Variants in ATOSA observed in about 807,000 individuals in gnomAD.
ATOSA encodes atos homolog protein A.
chr15:52,613,352 C>T, the ATOSA span, among the ~76,000 whole-genome samples: 9 of 152,214 alleles, frequency 5.9e-5, no homozygotes, highest in African/African-American at 1.7e-4. Context: ...GGCAACAGAG[C>T]GAGACTCCGT....
the ATOSA span, among the ~76,000 whole-genome samples, chr15:52,700,523 C>T: frequency 6.6e-6 from 1 of 152,174 alleles, no homozygotes; most frequent in Non-Finnish European, 1.5e-5. Flanking sequence ...AGGTTCTCAA[C>T]AGGATCCAAG....
At chr15:52,706,970 G>A in the ATOSA span, among the ~76,000 whole-genome samples, 1 of 152,162 alleles carries the variant, frequency 6.6e-6, no homozygotes, top group Non-Finnish European at 1.5e-5. Context: ...TGATTGTGGT[G>A]ATGGCTATAC....
chr15:52,667,629 T>C, the ATOSA span, among the ~76,000 whole-genome samples: 2 of 152,192 alleles, frequency 1.3e-5, no homozygotes, highest in Non-Finnish European at 2.9e-5. Flanking sequence ...ATAAATACCA[T>C]TACCATGGCT....
At chr15:52,606,650 T>G in the ATOSA span, among the ~76,000 whole-genome samples, 2 of 152,130 alleles carry the variant, frequency 1.3e-5, no homozygotes, top group Non-Finnish European at 2.9e-5. Flanking sequence ...AGCCTCCCTA[T>G]TAGATAACAG....
chr15:52,703,666 T>C, the ATOSA span, among the ~76,000 whole-genome samples: 1 of 150,748 alleles, frequency 6.6e-6, no homozygotes, highest in African/African-American at 2.4e-5. Flanking sequence ...TTTAATAAAA[T>C]GTGGTACACA....
chr15:52,588,544 T>C, the ATOSA span, among the ~76,000 whole-genome samples: 1 of 152,218 alleles, frequency 6.6e-6, no homozygotes, highest in Non-Finnish European at 1.5e-5. Context: ...GTTCAAGCGA[T>C]TCTTCTGTCT....
the ATOSA span, among the ~76,000 whole-genome samples, chr15:52,643,912 CA>C: frequency 6.7e-6 from 1 of 148,348 alleles, no homozygotes; most frequent in African/African-American, 2.5e-5. Flanking sequence ...GATTCAGTCT[CA>C]AAACAAACAA....
chr15:52,587,796 A>G, the ATOSA span: 3 of 152,376 alleles, frequency 2.0e-5, no homozygotes, highest in Admixed American at 6.5e-5. Flanking sequence ...TGAAAGTTAA[A>G]TCAGTAACTT....
At chr15:52,586,925 T>C in the ATOSA span, 2 of 711,598 alleles carry the variant, frequency 2.8e-6, no homozygotes, top group East Asian at 6.9e-5. Context: ...CAAACTGTCA[T>C]ATGCTATTTT....
At chr15:52,708,937 A>G in the ATOSA span, among the ~76,000 whole-genome samples, 1 of 152,080 alleles carries the variant, frequency 6.6e-6, no homozygotes, top group Non-Finnish European at 1.5e-5. Context: ...CACAAACCCA[A>G]ATGCCTCCAG....
At chr15:52,609,625 C>T in the ATOSA span, 3 of 1,612,936 alleles carry the variant, frequency 1.9e-6, no homozygotes, top group East Asian at 4.5e-5. Flanking sequence ...CTCTGGACTA[C>T]CAAAAGTCAT....
the ATOSA span, among the ~76,000 whole-genome samples, chr15:52,659,764 T>C: frequency 1.3e-5 from 2 of 152,162 alleles, no homozygotes; most frequent in African/African-American, 2.4e-5. Flanking sequence ...ATAAAATTCA[T>C]TGCCCACTGA....
At chr15:52,649,645 C>T in the ATOSA span, 1 of 151,908 alleles carries the variant, frequency 6.6e-6, no homozygotes, top group Admixed American at 6.6e-5. Flanking sequence ...TTTCCATAAG[C>T]ACAAAACAAT....
At chr15:52,645,260 G>A in the ATOSA span, among the ~76,000 whole-genome samples, 1 of 152,126 alleles carries the variant, frequency 6.6e-6, no homozygotes, top group Admixed American at 6.6e-5. Flanking sequence ...CGAACATGGT[G>A]AAACCCCATC....
At chr15:52,655,993 G>C in the ATOSA span, 1 of 151,992 alleles carries the variant, frequency 6.6e-6, no homozygotes, top group South Asian at 2.1e-4. Context: ...TCTACATGAT[G>C]TGACCATATG....
At chr15:52,638,813 C>A in the ATOSA span, among the ~76,000 whole-genome samples, 6 of 150,990 alleles carry the variant, frequency 4.0e-5, no homozygotes, top group African/African-American at 1.5e-4. Context: ...TTGCTGAGAA[C>A]ATAAAACTGC....
the ATOSA span, among the ~76,000 whole-genome samples, chr15:52,588,260 A>G: frequency 6.6e-6 from 1 of 152,174 alleles, no homozygotes; most frequent in African/African-American, 2.4e-5. Context: ...CTGCTCTACT[A>G]TATGAAGTAG....
At chr15:52,626,184 T>C in the ATOSA span, among the ~76,000 whole-genome samples, 1 of 152,202 alleles carries the variant, frequency 6.6e-6, no homozygotes, top group Non-Finnish European at 1.5e-5. Context: ...CCACACACTT[T>C]ATCAGTAAGT....
chr15:52,584,950 G>A, the ATOSA span: 10 of 1,589,106 alleles, frequency 6.3e-6, no homozygotes, highest in Admixed American at 1.7e-4. Context: ...AAGGTCTGAA[G>A]AAACAATATA....
Sources: gnomAD v4.1 joint callset for allele counts (sites outside exome capture counted in the v4.1 genomes callset) on GRCh38, gnomAD v4.1.1 for gene constraint, MANE v1.5 for transcripts, NCBI Gene and HGNC (gene_info 2026-07-23, HGNC 2026-07-21) for gene names.